Variants in DGAT2 observed in about 807,000 individuals in gnomAD.
DGAT2 encodes the protein diacylglycerol O-acyltransferase 2.
DGAT2 carries 33 observed loss-of-function variants against 48.4 expected under a neutral mutation model. That is an observed-to-expected ratio of 0.68 (90% confidence interval 0.52 to 0.91). DGAT2 has a LOEUF of 0.91. DGAT2 is among the 40% of genes least tolerant of loss of function. The probability of loss-of-function intolerance (pLI) is 0.00; values close to 1 mark genes in which losing one functional copy is unlikely to be tolerated. For synonymous variants in DGAT2, 191 were observed against 194.1 expected (o/e 0.98, Z 0.13); for missense variants, 446 against 493.7 (o/e 0.90, Z 0.92).
chr11:75,785,538 G>A (rs1944912450), intron 2 of DGAT2, among the ~76,000 whole-genome samples: 1 of 152,258 alleles, frequency 6.6e-6, no homozygotes, highest in African/African-American at 2.4e-5. Flanking sequence ...CCAGGGGCAG[G>A]ACAACACGAA....
At position 75,796,525 on chromosome 11, in the gene DGAT2, G is replaced by A. The variant is rs1385752148; in HGVS notation, c.627G>A (p.Met209Ile). ...FRMPVLREYLMSGGICPVSRD... is the reference protein window; with the variant it reads ...FRMPVLREYLISGGICPVSRD... Reference sequence around the variant, plus strand: ...TGCCTGTGTTGAGGGAGTACCTGATGTCTGGAGGTAAGAATCCACCCCCTG... The same window carrying A: ...TGCCTGTGTTGAGGGAGTACCTGATATCTGGAGGTAAGAATCCACCCCCTG... The change falls in exon 5 of 8, where the codon ATG (methionine) becomes ATA (isoleucine). Residue 209 changes from methionine (M) to isoleucine (I), a missense_variant. By Grantham distance (10) the Met-to-Ile change is conservative (BLOSUM62 1). Transcript: ENST00000228027. The A allele has an allele frequency of 1.9e-6, 3 of 1,612,072 alleles. No individual in the cohort carries two copies. The highest frequency in any genetic ancestry group is 3.3e-5 in the Admixed American group (2 of 59,978).
intron 1 of DGAT2, among the ~76,000 whole-genome samples, chr11:75,771,121 G>C (rs1167454290): frequency 6.6e-6 from 1 of 152,124 alleles, no homozygotes; most frequent in Non-Finnish European, 1.5e-5. Flanking sequence ...GTCCTGTGAC[G>C]GGTGAGAGAT....
chr11:75,790,498 T>C (rs1944976061), intron 3 of DGAT2, among the ~76,000 whole-genome samples, 163 bp from the exon 4 acceptor site: 1 of 152,008 alleles, frequency 6.6e-6, no homozygotes, highest in Admixed American at 6.5e-5. Flanking sequence ...CAGTCGAGGG[T>C]TTGCATAACA....
In DGAT2 at chr11:75,768,884, G is replaced by T; in HGVS notation, c.-108G>T. 3.1e-6 allele frequency: 4 copies of T among 1,292,196 alleles called. No individual in the cohort carries two copies. The highest frequency in any genetic ancestry group is 3.9e-6 in the Non-Finnish European group (4 of 1,014,682). 80.0% of individuals were successfully genotyped at this position (1,292,196 alleles called of 1,614,324 possible). On this transcript the variant is annotated 5_prime_UTR_variant, in exon 1 of 8. Coordinates refer to ENST00000228027, the MANE Select transcript of DGAT2 (RefSeq NM_032564.5). ...AGCCGCCCAGCCTCGACGCCGTCCC[G>T]GGACCCCTGTGCTCTGCGCGAAGCC...
At chr11:75,785,704 C>T (rs1404287280) in intron 2 of DGAT2, among the ~76,000 whole-genome samples, 1 of 152,224 alleles carries the variant, frequency 6.6e-6, no homozygotes, top group Non-Finnish European at 1.5e-5. Context: ...CTGGGCAACC[C>T]ACTCTTCGGG....
chr11:75,790,874 G>C (rs1944981798), intron 4 of DGAT2, 143 bp downstream of exon 4: 1 of 795,646 alleles, frequency 1.3e-6, no homozygotes, highest in Non-Finnish European at 2.1e-6. Flanking sequence ...CTGTGCTGGG[G>C]ACCCCACTGC....
rs557142070 is a variant in DGAT2 at position 75,775,127 on chromosome 11, CA to C, written c.121+6016del. Among the ~76,000 whole-genome samples, 464 of 152,326 alleles carry C rather than the reference CA, an allele frequency of 3.0e-3. 1 individual carries two copies. The highest frequency in any genetic ancestry group is 0.011 in the African/African-American group (445 of 41,572). ...GGGAGATCTTCTGTGGATAAAAATT[CA>C]TTTGTGGATTCTAGCAGAGCACAGG... is the stretch of plus-strand genomic sequence containing the variant. On this transcript the variant is annotated intron_variant, in intron 1 of 7. Transcript: ENST00000228027.
intron 1 of DGAT2, among the ~76,000 whole-genome samples, chr11:75,781,698 A>G (rs1348358399): frequency 6.6e-6 from 1 of 152,154 alleles, no homozygotes; most frequent in African/African-American, 2.4e-5. Flanking sequence ...TGTGGGCGGT[A>G]GTTGGGGCTG....
At chr11:75,780,093 G>A (rs1162141653) in intron 1 of DGAT2, among the ~76,000 whole-genome samples, 1 of 152,240 alleles carries the variant, frequency 6.6e-6, no homozygotes, top group East Asian at 1.9e-4. Context: ...GAGTGCAGAT[G>A]TGGTGAGGGG....
chr11:75,790,381 T>A, intron 3 of DGAT2, 86 bp downstream of exon 3: 1 of 1,203,626 alleles, frequency 8.3e-7, no homozygotes, highest in Non-Finnish European at 1.2e-6. Context: ...TCCTGAGTGC[T>A]GTTTCTTTTA....
chr11:75,798,555 A>G (rs1797826176), intron 7 of DGAT2, 126 bp downstream of exon 7: 9 of 1,086,422 alleles, frequency 8.3e-6, no homozygotes, highest in Non-Finnish European at 1.2e-5. Flanking sequence ...AGCCATGAGG[A>G]CTTTGAAGTG....
rs1392372941 is a variant in DGAT2 at position 75,796,381 on chromosome 11, C to T, written c.483C>T (p.His161=). The change falls in exon 5 of 8, where the codon CAC becomes CAT. Residue 161 remains histidine, a synonymous_variant. Transcript: ENST00000228027. ...LTTRNYIFGY[H]PHGIMGLGAF... is the part of the protein sequence containing the mutation. ...CCAGGAACTATATCTTTGGATACCACCCCCATGGTATCATGGGCCTGGGTG... is the reference window on the plus strand; with the variant it reads ...CCAGGAACTATATCTTTGGATACCATCCCCATGGTATCATGGGCCTGGGTG... 1.2e-6 allele frequency: 2 copies of T among 1,613,990 alleles called. No homozygotes were observed. The highest frequency in any genetic ancestry group is 2.7e-5 in the African/African-American group (2 of 74,916).
intron 1 of DGAT2, among the ~76,000 whole-genome samples, chr11:75,781,762 GA>G (rs1944866553): frequency 6.6e-6 from 1 of 152,204 alleles, no homozygotes; most frequent in South Asian, 2.1e-4. Flanking sequence ...TGAGCCTGCA[GA>G]CCCACCTTGC....
At chr11:75,775,623 C>A (rs908912954) in intron 1 of DGAT2, among the ~76,000 whole-genome samples, 1 of 152,194 alleles carries the variant, frequency 6.6e-6, no homozygotes, top group Non-Finnish European at 1.5e-5. Context: ...ACTCCTAGAC[C>A]TAGCATCCCA....
intron 1 of DGAT2, among the ~76,000 whole-genome samples, chr11:75,770,477 C>CTGT: frequency 6.6e-6 from 1 of 152,332 alleles, no homozygotes; most frequent in East Asian, 1.9e-4. Context: ...GAGTCCTTTT[C>CTGT]TGTTCCCTGT....
intron 3 of DGAT2, 116 bp from the exon 4 acceptor site, chr11:75,790,545 G>C: frequency 1.0e-6 from 1 of 974,698 alleles, no homozygotes; most frequent in Non-Finnish European, 1.7e-6. Context: ...TGATGGGAAG[G>C]GGGCATGGTG....
rs190487475 is a variant in DGAT2 at position 75,778,268 on chromosome 11, C to T, written c.122-6350C>T. ...CTGCAAGGCTTTGTTCCAGCAGTTT[C>T]CCCCAACCACAGTGCGCACTTTCCT... On this transcript the variant is annotated intron_variant, in intron 1 of 7. Transcript: ENST00000228027. Among the ~76,000 whole-genome samples the T allele has an allele frequency of 1.4e-3, 207 of 152,282 alleles. 1 individual carries two copies. The highest frequency in any genetic ancestry group is 4.7e-3 in the African/African-American group (195 of 41,556).
chr11:75,777,857 C>G (rs1453957232), intron 1 of DGAT2, among the ~76,000 whole-genome samples: 2 of 152,176 alleles, frequency 1.3e-5, no homozygotes, highest in East Asian at 3.8e-4. Flanking sequence ...TATCTCATTG[C>G]CCCAAATTAT....
In DGAT2 at chr11:75,796,333, GAAGACACAC is replaced by G; in HGVS notation, c.438_446del (p.Lys146_His148del). On this transcript the variant is annotated inframe_deletion, in exon 5 of 8. Transcript: ENST00000228027. ...ACCCAAGGTCATCCTTGCAGCTGGT[GAAGACACAC>G]AACCTGCTGACCACCAGGAACTATA... 6.2e-7 allele frequency: 1 copy of G among 1,613,690 alleles called. No homozygotes were observed. The highest frequency in any genetic ancestry group is 8.5e-7 in the Non-Finnish European group (1 of 1,179,696).
Sources: allele counts gnomAD v4.1 joint callset (sites outside exome capture counted in the v4.1 genomes callset), GRCh38; gene constraint gnomAD v4.1.1; transcripts MANE v1.5; gene names NCBI Gene and HGNC (gene_info 2026-07-23, HGNC 2026-07-21).